The following THSD7B variants were observed in gnomAD, a reference collection of about 807,000 sequenced individuals.
THSD7B encodes the protein thrombospondin type 1 domain containing 7B, also known as thrombospondin type-1 domain-containing protein 7B.
A neutral mutation model predicts 213.6 loss-of-function variants in THSD7B; 138 were observed. That is an observed-to-expected ratio of 0.65 (90% CI 0.56 to 0.74). The LOEUF (loss-of-function observed/expected upper bound fraction) is 0.74. Ranked by LOEUF, THSD7B falls within the 30% of genes least tolerant of loss-of-function variation. The probability of loss-of-function intolerance (pLI) is 0.00; values close to 1 mark genes in which losing one functional copy is unlikely to be tolerated. For missense variants in THSD7B, 1,931 were observed against 1,991.5 expected (o/e 0.97, Z 0.58); for synonymous variants, 742 against 687.0 (o/e 1.08, Z -1.25).
chr2:137,138,806 T>C lies in THSD7B; in HGVS notation c.1370-21407T>C, dbSNP rs1679523806. Among the ~76,000 whole-genome samples the C allele has an allele frequency of 1.3e-5, 2 of 152,204 alleles. 1 individual carries two copies. Among genetic ancestry groups the C allele is most frequent in the South Asian group, 4.1e-4 (2 of 4,832 alleles). ...AAGTTTTGCAAATTTAAAGTATGTT[T>C]CTATTTCCTTTTCAATATCAAATTT... On this transcript the variant is annotated intron_variant, in intron 5 of 27. Coordinates refer to ENST00000409968, the MANE Select transcript of THSD7B (RefSeq NM_001316349.2).
chr2:137,295,729 C>T (rs74700892), intron 12 of THSD7B, among the ~76,000 whole-genome samples: 3,952 of 152,202 alleles, frequency 0.026, 105 homozygotes, highest in Middle Eastern at 0.095. Flanking sequence ...CTGCCTCATC[C>T]TCCCAAAGTG....
intron 10 of THSD7B, among the ~76,000 whole-genome samples, chr2:137,246,423 C>T (rs1682039974): frequency 6.6e-6 from 1 of 152,168 alleles, no homozygotes; most frequent in African/African-American, 2.4e-5. Context: ...AAACCACGTT[C>T]ATTCTAAACC....
chr2:137,262,031 TA>T (rs1269607388), intron 10 of THSD7B, among the ~76,000 whole-genome samples: 3 of 152,010 alleles, frequency 2.0e-5, no homozygotes, highest in Non-Finnish European at 4.4e-5. Flanking sequence ...CACTGTCCTG[TA>T]AAAGCTGAGG....
chr2:137,533,022 G>A (rs1680429027), intron 15 of THSD7B, among the ~76,000 whole-genome samples: 1 of 150,390 alleles, frequency 6.6e-6, no homozygotes, highest in African/African-American at 2.4e-5. Context: ...TTCCTTATGT[G>A]ATATGTAATA....
intron 21 of THSD7B, among the ~76,000 whole-genome samples, chr2:137,653,788 T>C (rs1403638469): frequency 1.6e-5 from 2 of 126,778 alleles, no homozygotes; most frequent in Non-Finnish European, 3.7e-5. Flanking sequence ...TTTCAAACTG[T>C]TTAATTTCTC....
chr2:136,770,271 A>G (rs1384360585), intron 1 of THSD7B, among the ~76,000 whole-genome samples: 1 of 152,184 alleles, frequency 6.6e-6, no homozygotes, highest in Non-Finnish European at 1.5e-5. Flanking sequence ...TACATGAAAG[A>G]TTTTAATTAT....
chr2:137,603,426 T>G (rs1171582599), intron 17 of THSD7B, among the ~76,000 whole-genome samples: 1 of 152,206 alleles, frequency 6.6e-6, no homozygotes, highest in African/African-American at 2.4e-5. Flanking sequence ...TCTTTAACTT[T>G]CTTTGTAGGA....
chr2:137,089,394 G>A (rs1386737884), intron 3 of THSD7B, among the ~76,000 whole-genome samples: 13 of 146,392 alleles, frequency 8.9e-5, no homozygotes, highest in Admixed American at 8.4e-4. Flanking sequence ...GTGTGTATAT[G>A]TATATATACA....
chr2:137,075,541 G>T (rs146156671), intron 3 of THSD7B, among the ~76,000 whole-genome samples: 2,757 of 152,054 alleles, frequency 0.018, 42 homozygotes, highest in Middle Eastern at 0.058. Flanking sequence ...ATTTCCTCCT[G>T]TAGCTCGGAG....
intron 3 of THSD7B, among the ~76,000 whole-genome samples, chr2:137,075,024 T>C (rs938096816): frequency 1.3e-5 from 2 of 152,214 alleles, no homozygotes; most frequent in Non-Finnish European, 2.9e-5. Context: ...TAACATTTTT[T>C]CCTTCATTTC....
intron 2 of THSD7B, among the ~76,000 whole-genome samples, chr2:136,922,778 C>T (rs890916831): frequency 1.3e-5 from 2 of 152,120 alleles, no homozygotes; most frequent in Non-Finnish European, 2.9e-5. Flanking sequence ...CTAACTATAC[C>T]ACTTTTCTAT....
At chr2:137,592,503 T>C (rs1217622416) in intron 17 of THSD7B, among the ~76,000 whole-genome samples, 1 of 151,944 alleles carries the variant, frequency 6.6e-6, no homozygotes, top group Non-Finnish European at 1.5e-5. Context: ...CTTGAATTTC[T>C]GTATACTTCA....
At chr2:136,890,072 A>G (rs922787532) in intron 2 of THSD7B, among the ~76,000 whole-genome samples, 7 of 152,038 alleles carry the variant, frequency 4.6e-5, no homozygotes, top group African/African-American at 1.4e-4. Context: ...GCCCTATTGT[A>G]TTATAGTCCC....
chr2:137,577,738 T>C (rs1681493635), intron 17 of THSD7B, among the ~76,000 whole-genome samples: 1 of 152,158 alleles, frequency 6.6e-6, no homozygotes, highest in Admixed American at 6.6e-5. Context: ...TATATCTTCC[T>C]AAGAGAGAAT....
chr2:137,029,949 C>G (rs1686631674), intron 2 of THSD7B, among the ~76,000 whole-genome samples: 1 of 152,086 alleles, frequency 6.6e-6, no homozygotes, highest in Admixed American at 6.6e-5. Context: ...TGTCTTCATT[C>G]AACTTATATT....
rs1416267254 is a variant in THSD7B at position 137,676,409 on chromosome 2, A to T, written c.4740-115A>T. On this transcript the variant is annotated intron_variant, in intron 27 of 27. Transcript: ENST00000409968. ...AAAAGGGAACCCACACATCTAGAGA[A>T]ATGAATCTTTTTGTCATTTTACCGC... The T allele has an allele frequency of 3.2e-6, 3 of 940,094 alleles. No individual in the cohort carries two copies. The Admixed American group carries it at 9.0e-5, about 28-fold the overall frequency. 58.2% of individuals were successfully genotyped at this position (940,094 alleles called of 1,614,324 possible).
At chr2:137,047,889 A>G (rs766916854) in intron 2 of THSD7B, among the ~76,000 whole-genome samples, 1 of 152,182 alleles carries the variant, frequency 6.6e-6, no homozygotes. Context: ...AGACTAAGGA[A>G]GAAGGTCTCT....
chr2:137,023,894 A>C (rs1164530070), intron 2 of THSD7B, among the ~76,000 whole-genome samples: 3 of 151,932 alleles, frequency 2.0e-5, no homozygotes, highest in African/African-American at 7.3e-5. Context: ...TCGACAAATG[A>C]ACAAGACATT....
At chr2:137,277,788 G>T (rs1682906219) in intron 12 of THSD7B, among the ~76,000 whole-genome samples, 1 of 152,058 alleles carries the variant, frequency 6.6e-6, no homozygotes, top group South Asian at 2.1e-4. Flanking sequence ...ACTCCAGGAA[G>T]AAACCACATT....
Sources: gnomAD v4.1 joint callset for allele counts (sites outside exome capture counted in the v4.1 genomes callset) on GRCh38, gnomAD v4.1.1 for gene constraint, MANE v1.5 for transcripts, NCBI Gene and HGNC (gene_info 2026-07-23, HGNC 2026-07-21) for gene names.